LRP1B: variants seen among roughly 807,000 people sequenced by gnomAD.
LRP1B encodes low-density lipoprotein receptor-related protein 1B.
LRP1B carries 217 observed loss-of-function variants against 556.6 expected under a neutral mutation model. The observed-to-expected ratio is 0.39, with a 90% CI of 0.35 to 0.44. The LOEUF (loss-of-function observed/expected upper bound fraction) is 0.44. LRP1B is among the 20% of genes least tolerant of loss of function. The pLI, the probability that LRP1B is intolerant of heterozygous loss-of-function variation, is 1.00. For synonymous variants in LRP1B, 2,047 were observed against 1,865.8 expected (o/e 1.10, Z -2.50); for missense variants, 5,053 against 5,620.8 (o/e 0.90, Z 3.23).
At chr2:140,643,176 A>G (rs1035844041) in intron 41 of LRP1B, among the ~76,000 whole-genome samples, 5 of 151,204 alleles carry the variant, frequency 3.3e-5, no homozygotes, top group African/African-American at 9.7e-5. Flanking sequence ...TTAAATACAG[A>G]AAAAAAAATG....
intron 35 of LRP1B, among the ~76,000 whole-genome samples, chr2:140,725,553 G>T (rs1160363240): frequency 1.2e-4 from 14 of 118,464 alleles, no homozygotes; most frequent in Non-Finnish European, 2.0e-4. Flanking sequence ...GGGGAGGGGG[G>T]AGGGATAGCA....
chr2:142,063,055 C>CAAA (rs1704980642), intron 1 of LRP1B, among the ~76,000 whole-genome samples: 1 of 57,144 alleles, frequency 1.7e-5, no homozygotes, highest in East Asian at 7.5e-4. Context: ...CATTACCTGA[C>CAAA]CAAAAAAAAA....
At chr2:141,113,367 A>G (rs1700801964) in intron 7 of LRP1B, among the ~76,000 whole-genome samples, 1 of 152,220 alleles carries the variant, frequency 6.6e-6, no homozygotes, top group African/African-American at 2.4e-5. Context: ...GCAATAAAAA[A>G]AATGAGGGTG....
chr2:141,152,978 C>A (rs1574130723), intron 7 of LRP1B, among the ~76,000 whole-genome samples: 2 of 150,482 alleles, frequency 1.3e-5, no homozygotes, highest in African/African-American at 4.9e-5. Flanking sequence ...CAGTACTTTT[C>A]TAGTTTTTAC....
chr2:141,412,924 A>G (rs533683453), intron 3 of LRP1B, among the ~76,000 whole-genome samples: 2 of 152,230 alleles, frequency 1.3e-5, no homozygotes, highest in East Asian at 1.9e-4. Flanking sequence ...AAGACTCTGA[A>G]CATGTGATTA....
intron 77 of LRP1B, 95 bp downstream of exon 77, chr2:140,350,702 C>T (rs1324927061): frequency 1.8e-5 from 18 of 984,116 alleles, no homozygotes; most frequent in Non-Finnish European, 2.3e-5. Context: ...GAATATATTA[C>T]TTAGTATAAT....
intron 21 of LRP1B, among the ~76,000 whole-genome samples, chr2:140,916,050 A>T (rs1694569840): frequency 6.6e-6 from 1 of 152,138 alleles, no homozygotes; most frequent in Non-Finnish European, 1.5e-5. Context: ...AAACAAAAAA[A>T]GTCACTGGGA....
At chr2:142,108,703 A>C (rs775215201) in intron 1 of LRP1B, among the ~76,000 whole-genome samples, 1 of 152,222 alleles carries the variant, frequency 6.6e-6, no homozygotes, top group Non-Finnish European at 1.5e-5. Flanking sequence ...TTTTGCTTTC[A>C]CTACCAAGTG....
At chr2:141,216,806 T>A (rs931281693) in intron 6 of LRP1B, among the ~76,000 whole-genome samples, 11 of 152,200 alleles carry the variant, frequency 7.2e-5, no homozygotes, top group African/African-American at 2.7e-4. Flanking sequence ...TTTTGGTCAG[T>A]TTCTGTTTTA....
chr2:141,286,543 C>A (rs1685728878), intron 3 of LRP1B, among the ~76,000 whole-genome samples: 1 of 152,066 alleles, frequency 6.6e-6, no homozygotes, highest in Admixed American at 6.6e-5. Flanking sequence ...ATTTTAATGT[C>A]TTCCTTAAAT....
intron 60 of LRP1B, among the ~76,000 whole-genome samples, chr2:140,473,118 A>T (rs1687836301): frequency 6.6e-6 from 1 of 152,000 alleles, no homozygotes; most frequent in African/African-American, 2.4e-5. Context: ...TGGCAAATTA[A>T]TGGCTCTTTC....
chr2:140,280,069 G>C (rs1682851971), intron 84 of LRP1B, among the ~76,000 whole-genome samples: 1 of 151,748 alleles, frequency 6.6e-6, no homozygotes, highest in African/African-American at 2.4e-5. Context: ...TGAAATGTTA[G>C]TGAATATGGA....
chr2:141,193,936 T>C (rs1363168375), intron 6 of LRP1B, among the ~76,000 whole-genome samples: 2 of 152,092 alleles, frequency 1.3e-5, no homozygotes, highest in African/African-American at 2.4e-5. Flanking sequence ...CCCTTCTCTA[T>C]GGATTTAATT....
At chr2:141,462,040 C>T (rs1460489767) in intron 3 of LRP1B, among the ~76,000 whole-genome samples, 1 of 152,212 alleles carries the variant, frequency 6.6e-6, no homozygotes. Flanking sequence ...CAACTTCAGT[C>T]TCCAGAACCA....
At chr2:141,117,236 A>AT (rs34197961) in intron 7 of LRP1B, among the ~76,000 whole-genome samples, 4,505 of 143,780 alleles carry the variant, frequency 0.031, 160 homozygotes, top group East Asian at 0.15. Flanking sequence ...TGGCTACTTC[A>AT]TTTTTTTTTT....
At chr2:141,001,557 A>G (rs917149840) in intron 15 of LRP1B, among the ~76,000 whole-genome samples, 2 of 152,098 alleles carry the variant, frequency 1.3e-5, no homozygotes, top group Admixed American at 1.3e-4. Context: ...CCTATGAGTG[A>G]GAACACGTGG....
chr2:141,276,106 G>C (rs17529995), intron 3 of LRP1B, among the ~76,000 whole-genome samples: 43,141 of 151,932 alleles, frequency 0.28, 6,578 homozygotes, highest in Middle Eastern at 0.45. Flanking sequence ...TTTGGTGAAG[G>C]CTATCTTAGC....
intron 23 of LRP1B, among the ~76,000 whole-genome samples, chr2:140,892,238 T>G (rs528526923): frequency 1.0e-3 from 156 of 151,584 alleles, no homozygotes; most frequent in Non-Finnish European, 1.8e-3. Context: ...AACAAAGGAG[T>G]AAGTGACAGA....
intron 2 of LRP1B, among the ~76,000 whole-genome samples, chr2:141,609,528 T>C (rs554559179): frequency 8.5e-4 from 129 of 152,346 alleles, no homozygotes; most frequent in African/African-American, 3.1e-3. Flanking sequence ...GTAATGATCT[T>C]TGAGTGTTTG....
Sources: gnomAD v4.1 joint callset for allele counts (sites outside exome capture counted in the v4.1 genomes callset) on GRCh38, gnomAD v4.1.1 for gene constraint, MANE v1.5 for transcripts, NCBI Gene and HGNC (gene_info 2026-07-23, HGNC 2026-07-21) for gene names.